CCDC91: variants seen among roughly 807,000 people sequenced by gnomAD.
CCDC91 encodes the protein coiled-coil domain containing 91.
Under a neutral mutation model 63.2 loss-of-function variants are expected in CCDC91, and 48 were observed. The observed-to-expected ratio is 0.76, with a 90% confidence interval of 0.60 to 0.97. CCDC91 has a LOEUF of 0.97. Among genes scored for constraint, CCDC91 ranks in the 50% least tolerant of loss-of-function variants. CCDC91 has a pLI of 0.00. For synonymous variants in CCDC91, 167 were observed against 165.8 expected (o/e 1.01, Z -0.06); for missense variants, 500 against 494.6 (o/e 1.01, Z -0.10).
At chr12:28,402,657 C>T (rs1946711518) in intron 8 of CCDC91, among the ~76,000 whole-genome samples, 1 of 149,346 alleles carries the variant, frequency 6.7e-6, no homozygotes, top group Non-Finnish European at 1.5e-5. Context: ...TGTATTACTG[C>T]ATTAGCTAGG....
intron 3 of CCDC91, among the ~76,000 whole-genome samples, chr12:28,303,582 A>G (rs978978092): frequency 1.3e-5 from 2 of 152,152 alleles, no homozygotes; most frequent in African/African-American, 4.8e-5. Flanking sequence ...AACTGTTAAT[A>G]GTTTCTTGAA....
intron 11 of CCDC91, among the ~76,000 whole-genome samples, chr12:28,477,547 A>G (rs1176299642): frequency 6.6e-6 from 1 of 152,162 alleles, no homozygotes; most frequent in East Asian, 1.9e-4. Context: ...TTCCATTTGA[A>G]AACTGGCACA....
In CCDC91 at chr12:28,358,764, T is replaced by C. The variant is rs74075336; in HGVS notation, c.577-3674T>C. Among the ~76,000 whole-genome samples, 438 of 152,306 alleles carry C rather than the reference T, an allele frequency of 2.9e-3. 2 individuals are homozygous for C. The highest frequency in any genetic ancestry group is 0.01 in the African/African-American group (422 of 41,572). ...TATAAGTGGTCAGGAAAAGTCTCTC[T>C]AGTAAGATAATTTTTGAGCATGATG... On this transcript the variant is annotated intron_variant, in intron 6 of 12. Coordinates refer to ENST00000536442, the MANE Select transcript of CCDC91 (RefSeq NM_018318.5).
chr12:28,522,966 C>A (rs549148564), intron 12 of CCDC91, among the ~76,000 whole-genome samples: 17 of 152,260 alleles, frequency 1.1e-4, no homozygotes, highest in South Asian at 4.1e-4. Flanking sequence ...TGTTCTTTTA[C>A]ATTTGCTGAG....
chr12:28,474,580 T>C (rs1209602162), intron 11 of CCDC91, among the ~76,000 whole-genome samples: 2 of 152,052 alleles, frequency 1.3e-5, no homozygotes, highest in East Asian at 1.9e-4. Context: ...ATATTTACTA[T>C]AGATTTACTC....
chr12:28,439,733 CT>C (rs71438747), intron 8 of CCDC91, among the ~76,000 whole-genome samples: 15,339 of 132,856 alleles, frequency 0.12, 1,007 homozygotes, highest in Non-Finnish European at 0.17. Flanking sequence ...TTTCTTTTTT[CT>C]TTTTTTTTTT....
At position 28,450,271 on chromosome 12, in the gene CCDC91, C is replaced by A; in HGVS notation, c.855+18C>A. ...AACAGAAGGTAATACTTTAACTGTG[C>A]TCAGAGTGTAGAAAGAATGTGTTCT... is the stretch of plus-strand genomic sequence containing the variant. On this transcript the variant is annotated intron_variant, in intron 9 of 12. Transcript: ENST00000536442. The A allele has an allele frequency of 6.3e-7, 1 of 1,582,482 alleles. No individual in the cohort carries two copies. The highest frequency in any genetic ancestry group is 8.7e-7 in the Non-Finnish European group (1 of 1,152,076).
chr12:28,256,004 G>A (rs1946418138), intron 1 of CCDC91: 1 of 152,092 alleles, frequency 6.6e-6, no homozygotes, highest in African/African-American at 2.4e-5. Context: ...TATTTTAGAA[G>A]TGGGAAAGGA....
At chr12:28,205,641 G>A (rs1241876215) in intron 1 of CCDC91, among the ~76,000 whole-genome samples, 2 of 152,154 alleles carry the variant, frequency 1.3e-5, no homozygotes, top group African/African-American at 2.4e-5. Flanking sequence ...TGGAAGTGAG[G>A]TATAGAACAT....
intron 11 of CCDC91, among the ~76,000 whole-genome samples, chr12:28,483,115 A>G (rs1183950653): frequency 6.6e-6 from 1 of 152,004 alleles, no homozygotes; most frequent in Non-Finnish European, 1.5e-5. Flanking sequence ...TTTGAAATAG[A>G]GAATCCTTTA....
intron 8 of CCDC91, among the ~76,000 whole-genome samples, chr12:28,420,551 G>A (rs1239280991): frequency 6.6e-6 from 1 of 152,074 alleles, no homozygotes; most frequent in Non-Finnish European, 1.5e-5. Flanking sequence ...TACCCTCAAG[G>A]TTTGTTTGTT....
intron 12 of CCDC91, 66 bp downstream of exon 12, chr12:28,484,231 A>T (rs1951602113): frequency 2.6e-6 from 2 of 771,764 alleles, no homozygotes; most frequent in Non-Finnish European, 2.1e-6. Flanking sequence ...TCCATACAAT[A>T]ACATGAAATT....
At chr12:28,485,683 TCAAA>T (rs1951688849) in intron 12 of CCDC91, among the ~76,000 whole-genome samples, 1 of 152,186 alleles carries the variant, frequency 6.6e-6, no homozygotes, top group South Asian at 2.1e-4. Flanking sequence ...GCATTTTCAC[TCAAA>T]CAAATTCCTG....
At chr12:28,528,015 T>C (rs957508292) in intron 12 of CCDC91, among the ~76,000 whole-genome samples, 7 of 152,156 alleles carry the variant, frequency 4.6e-5, no homozygotes, top group African/African-American at 1.2e-4. Context: ...ACTTGCCCCA[T>C]GTTACCCACC....
At chr12:28,425,887 T>C (rs1365572559) in intron 8 of CCDC91, among the ~76,000 whole-genome samples, 1 of 152,202 alleles carries the variant, frequency 6.6e-6, no homozygotes, top group African/African-American at 2.4e-5. Flanking sequence ...CAGGTGATTG[T>C]GATGCATACT....
intron 1 of CCDC91, among the ~76,000 whole-genome samples, chr12:28,201,005 A>ACC (rs539906740): frequency 4.4e-5 from 5 of 114,128 alleles, no homozygotes; most frequent in South Asian, 2.7e-4. Context: ...CGGGGGGCTG[A>ACC]CCCCCCCACC....
chr12:28,364,067 T>C (rs1203892801), intron 7 of CCDC91, among the ~76,000 whole-genome samples: 7 of 151,584 alleles, frequency 4.6e-5, no homozygotes, highest in Non-Finnish European at 8.8e-5. Flanking sequence ...TAGTTGATGC[T>C]CATTGTTAAA....
At chr12:28,477,640 G>A (rs921504069) in intron 11 of CCDC91, among the ~76,000 whole-genome samples, 2 of 151,246 alleles carry the variant, frequency 1.3e-5, no homozygotes, top group Non-Finnish European at 3.0e-5. Context: ...GAGAAAGAAA[G>A]GGTATTCAAT....
chr12:28,323,236 T>C (rs1247779270), intron 6 of CCDC91, among the ~76,000 whole-genome samples: 3 of 151,654 alleles, frequency 2.0e-5, no homozygotes, highest in Non-Finnish European at 3.0e-5. Context: ...TTAGAAAATA[T>C]TTGTCTATGT....
Sources: gnomAD v4.1 joint callset for allele counts (sites outside exome capture counted in the v4.1 genomes callset) on GRCh38, gnomAD v4.1.1 for gene constraint, MANE v1.5 for transcripts, NCBI Gene and HGNC (gene_info 2026-07-23, HGNC 2026-07-21) for gene names.